The following RIN2 variants were observed in gnomAD, a reference collection of about 807,000 sequenced individuals.
RIN2 encodes Ras and Rab interactor 2, also known as RAB5 interacting protein 2.
RIN2 carries 36 observed loss-of-function variants against 78.0 expected under a neutral mutation model. That is an observed-to-expected ratio of 0.46 (90% CI 0.35 to 0.61). The LOEUF is 0.61. Among genes scored for constraint, RIN2 ranks in the 20% least tolerant of loss-of-function variants. The pLI, the probability that RIN2 is intolerant of heterozygous loss-of-function variation, is 0.00. For missense variants in RIN2, 1,087 were observed against 1,159.7 expected, an observed-to-expected ratio of 0.94 and a Z score of 0.91; for synonymous variants, 466 against 466.8, an observed-to-expected ratio of 1.00 and a Z score of 0.02.
chr20:19,890,102 G>T (rs369544641), intron 3 of RIN2, among the ~76,000 whole-genome samples: 1 of 152,114 alleles, frequency 6.6e-6, no homozygotes, highest in Non-Finnish European at 1.5e-5. Flanking sequence ...TTCCTGGACC[G>T]CACCTTAGAA....
intron 9 of RIN2, among the ~76,000 whole-genome samples, chr20:19,988,263 T>C (rs1176426692): frequency 6.6e-6 from 1 of 152,096 alleles, no homozygotes; most frequent in East Asian, 1.9e-4. Flanking sequence ...GTATTACAGG[T>C]GTGCGCCACA....
At chr20:19,942,058 C>T (rs952074601) in intron 4 of RIN2, among the ~76,000 whole-genome samples, 3 of 148,870 alleles carry the variant, frequency 2.0e-5, no homozygotes, top group African/African-American at 5.0e-5. Flanking sequence ...TGTCATGAGC[C>T]GAGATCAAGC....
At chr20:19,758,894 G>T (rs895916298) in intron 1 of RIN2, among the ~76,000 whole-genome samples, 2 of 152,208 alleles carry the variant, frequency 1.3e-5, no homozygotes, top group African/African-American at 2.4e-5. Context: ...TTCCTCCCCC[G>T]GGTGGAAAAG....
At chr20:19,978,248 T>C (rs2042343996) in intron 9 of RIN2, among the ~76,000 whole-genome samples, 3 of 152,178 alleles carry the variant, frequency 2.0e-5, no homozygotes, top group African/African-American at 7.2e-5. Context: ...ATTTAAAGCC[T>C]AGATTTATGG....
intron 9 of RIN2, among the ~76,000 whole-genome samples, chr20:19,989,343 G>T (rs537445494): frequency 2.8e-5 from 4 of 140,716 alleles, no homozygotes; most frequent in Non-Finnish European, 6.0e-5. Flanking sequence ...GCACAATCTT[G>T]GCTCACTGCA....
intron 3 of RIN2, among the ~76,000 whole-genome samples, chr20:19,921,784 AAGAGATC>A (rs1254264310): frequency 1.3e-5 from 2 of 152,178 alleles, no homozygotes; most frequent in South Asian, 2.1e-4. Context: ...CTGGAGGGGA[AAGAGATC>A]AGAGATCAGA....
At chr20:19,979,993 G>A (rs1003035818) in intron 9 of RIN2, among the ~76,000 whole-genome samples, 2 of 135,584 alleles carry the variant, frequency 1.5e-5, no homozygotes, top group African/African-American at 5.5e-5. Context: ...GCAATAAGCC[G>A]AGATCATGCC....
intron 2 of RIN2, among the ~76,000 whole-genome samples, chr20:19,825,457 C>T (rs2036061595): frequency 6.6e-6 from 1 of 152,214 alleles, no homozygotes; most frequent in Non-Finnish European, 1.5e-5. Context: ...CCCTACTCCT[C>T]TCCCCTTCCC....
In RIN2 at chr20:19,787,377, C is replaced by A. The variant is rs1310250744; in HGVS notation, c.-162-12245C>A. ...GGCAGAGGTTGCAGTGAGCTGAGAT[C>A]GCACCAGTGCACTCCTGCCTGGGCG... On this transcript the variant is annotated intron_variant, in intron 1 of 12. Transcript: ENST00000255006. Among the ~76,000 whole-genome samples the A allele has an allele frequency of 2.1e-5, 3 of 143,798 alleles. No individual in the cohort carries two copies. In the East Asian group the frequency reaches 6.2e-4, roughly 30 times the overall value. 94.3% of individuals were successfully genotyped at this position (143,798 alleles called of 152,430 possible). A position where few individuals can be genotyped will look rare whatever the true frequency, so the allele number is the denominator to read the frequency against.
intron 1 of RIN2, among the ~76,000 whole-genome samples, chr20:19,787,956 G>A (rs2034736582): frequency 6.6e-6 from 1 of 152,150 alleles, no homozygotes; most frequent in South Asian, 2.1e-4. Context: ...TCCTCTATCA[G>A]TAATGTAAAG....
At chr20:19,908,056 C>T (rs2039294542) in intron 3 of RIN2, among the ~76,000 whole-genome samples, 1 of 152,200 alleles carries the variant, frequency 6.6e-6, no homozygotes, top group South Asian at 2.1e-4. Flanking sequence ...CTTCCTCATG[C>T]CTGTAACATT....
chr20:19,850,073 C>T (rs1027567380), intron 2 of RIN2, among the ~76,000 whole-genome samples: 4 of 152,310 alleles, frequency 2.6e-5, no homozygotes, highest in East Asian at 3.9e-4. Flanking sequence ...GCCGGCCTCA[C>T]GCCTGAGGAG....
intron 7 of RIN2, among the ~76,000 whole-genome samples, chr20:19,967,299 A>G (rs2041970001): frequency 6.6e-6 from 1 of 152,232 alleles, no homozygotes. Flanking sequence ...TAGGAAGGCC[A>G]AGATTAATTT....
chr20:19,986,727 A>G (rs2042634603), intron 9 of RIN2, among the ~76,000 whole-genome samples: 1 of 152,216 alleles, frequency 6.6e-6, no homozygotes, highest in Non-Finnish European at 1.5e-5. Flanking sequence ...CACTCTGATG[A>G]TAACAGTTGC....
Position 19,773,552 on chromosome 20 carries a change from A to G in RIN2, c.-163+15225A>G, listed in dbSNP as rs563350635. Among the ~76,000 whole-genome samples, 18 of 152,254 alleles carry G rather than the reference A, an allele frequency of 1.2e-4. No individual in the cohort carries two copies. In the East Asian group the frequency reaches 3.5e-3, roughly 29 times the overall value. On this transcript the variant is annotated intron_variant, in intron 1 of 12. Transcript: ENST00000255006. ...AGCACCTTCTGAGGTGGGTGAAAGCAGAGAATGGGAGCTGAAGGCTTAAAG... is the reference window on the plus strand; with the variant it reads ...AGCACCTTCTGAGGTGGGTGAAAGCGGAGAATGGGAGCTGAAGGCTTAAAG...
chr20:19,784,320 ATG>A (rs60892991), intron 1 of RIN2, among the ~76,000 whole-genome samples: 24 of 149,374 alleles, frequency 1.6e-4, no homozygotes, highest in Admixed American at 2.6e-4. Flanking sequence ...TTAAACAATT[ATG>A]TGTGTGTGTG....
intron 2 of RIN2, among the ~76,000 whole-genome samples, chr20:19,815,508 T>C (rs1287632296): frequency 6.6e-6 from 1 of 152,252 alleles, no homozygotes; most frequent in Non-Finnish European, 1.5e-5. Context: ...TTGCCATCAA[T>C]AGATTTCTTA....
chr20:19,777,123 C>G lies in RIN2; in HGVS notation c.-163+18796C>G, dbSNP rs545071175. 2.0e-5 allele frequency among the ~76,000 whole-genome samples: 3 copies of G among 152,302 alleles called. No individual in the cohort carries two copies. In the South Asian group the frequency reaches 6.2e-4, roughly 32 times the overall value. On this transcript the variant is annotated intron_variant, in intron 1 of 12. Transcript: ENST00000255006. ...AGGGAATTGTTTTATCCTGGCTTCT[C>G]CCTCCATCCTTCATGGTAGAGTGTT...
intron 3 of RIN2, among the ~76,000 whole-genome samples, chr20:19,932,991 A>G (rs1000203965): frequency 6.6e-6 from 1 of 151,958 alleles, no homozygotes; most frequent in Non-Finnish European, 1.5e-5. Flanking sequence ...CCCACATTCA[A>G]TCCATCAAAT....
Sources: allele counts gnomAD v4.1 joint callset (sites outside exome capture counted in the v4.1 genomes callset), GRCh38; gene constraint gnomAD v4.1.1; transcripts MANE v1.5; gene names NCBI Gene and HGNC (gene_info 2026-07-23, HGNC 2026-07-21).